The following KSR2 variants were observed in gnomAD, a reference collection of about 807,000 sequenced individuals.
KSR2 encodes kinase suppressor of ras 2.
KSR2 carries 25 observed loss-of-function variants against 107.8 expected under a neutral mutation model. That is an observed-to-expected ratio of 0.23 (90% CI 0.17 to 0.32). KSR2 has a LOEUF of 0.32. KSR2 is among the 10% of genes least tolerant of loss of function. The pLI is 1.00. For synonymous variants in KSR2, 480 were observed against 507.0 expected, an observed-to-expected ratio of 0.95 and a Z score of 0.71; for missense variants, 887 against 1,268.9, an observed-to-expected ratio of 0.70 and a Z score of 4.57.
At chr12:117,711,923 C>G (rs1217110741) in intron 4 of KSR2, among the ~76,000 whole-genome samples, 1 of 152,224 alleles carries the variant, frequency 6.6e-6, no homozygotes, top group East Asian at 1.9e-4. Context: ...CTGAGCCATG[C>G]CCTTTTCTCA....
chr12:117,514,406 A>G lies in KSR2; in HGVS notation c.2219+10446T>C, dbSNP rs550820057. On this transcript the variant is annotated intron_variant, in intron 14 of 19. Transcript: ENST00000339824. ...AATGTCCCAAAATAGTCTTTATAAAATGCAAACCAGACTGTGTCCCTCCTC... is the reference window on the plus strand; with the variant it reads ...AATGTCCCAAAATAGTCTTTATAAAGTGCAAACCAGACTGTGTCCCTCCTC... Among the ~76,000 whole-genome samples, 18 of 152,284 alleles carry G rather than the reference A, an allele frequency of 1.2e-4. No homozygotes were observed. The South Asian group carries it at 1.9e-3, about 16-fold the overall frequency.
At chr12:117,610,226 A>AAT (rs1389116561) in intron 5 of KSR2, among the ~76,000 whole-genome samples, 1 of 152,186 alleles carries the variant, frequency 6.6e-6, no homozygotes, top group African/African-American at 2.4e-5. Context: ...TAGCCTTGGA[A>AAT]ATAAGCACAC....
At chr12:117,733,115 G>A (rs561666540) in intron 4 of KSR2, among the ~76,000 whole-genome samples, 29 of 151,800 alleles carry the variant, frequency 1.9e-4, no homozygotes, top group Non-Finnish European at 3.7e-4. Flanking sequence ...AGGCCACAAC[G>A]CGCCATGGCT....
chr12:117,528,877 C>T (rs1472237908), intron 12 of KSR2, among the ~76,000 whole-genome samples: 2 of 152,342 alleles, frequency 1.3e-5, no homozygotes, highest in East Asian at 3.9e-4. Flanking sequence ...AGATCGCAAG[C>T]AGCTATTGAC....
chr12:117,477,188 C>T (rs373281272), intron 16 of KSR2, among the ~76,000 whole-genome samples: 1 of 152,196 alleles, frequency 6.6e-6, no homozygotes, highest in Non-Finnish European at 1.5e-5. Flanking sequence ...CAACCTCCAT[C>T]CTCAAGGCTT....
At chr12:117,905,210 C>T (rs1894801790) in intron 1 of KSR2, among the ~76,000 whole-genome samples, 1 of 152,000 alleles carries the variant, frequency 6.6e-6, no homozygotes, top group South Asian at 2.1e-4. Flanking sequence ...CAAAACAAAA[C>T]AAAATATAAT....
chr12:117,890,954 C>T (rs1894323276), intron 1 of KSR2: 1 of 152,184 alleles, frequency 6.6e-6, no homozygotes, highest in African/African-American at 2.4e-5. Flanking sequence ...CACCTTGCTA[C>T]ATGGTTCATC....
At chr12:117,825,668 T>C (rs145704986) in intron 3 of KSR2, among the ~76,000 whole-genome samples, 33 of 152,170 alleles carry the variant, frequency 2.2e-4, no homozygotes, top group East Asian at 3.9e-4. Flanking sequence ...CGCTGAATGG[T>C]TTATTGTCTG....
At chr12:117,656,981 G>GATATATATACATAT (rs1884196870) in intron 5 of KSR2, among the ~76,000 whole-genome samples, 1 of 98,210 alleles carries the variant, frequency 1.0e-5, no homozygotes, top group African/African-American at 4.3e-5. Context: ...TATATAATAG[G>GATATATATACATAT]ATATATATAT....
At chr12:117,643,008 T>G (rs10850876) in intron 5 of KSR2, among the ~76,000 whole-genome samples, 1 of 152,158 alleles carries the variant, frequency 6.6e-6, no homozygotes, top group Non-Finnish European at 1.5e-5. Flanking sequence ...GAAGAGAGGT[T>G]TTATTGCTAA....
intron 1 of KSR2, among the ~76,000 whole-genome samples, chr12:117,871,859 G>C (rs1425990322): frequency 1.3e-5 from 2 of 151,902 alleles, no homozygotes; most frequent in Non-Finnish European, 2.9e-5. Context: ...GTCTTGGTAT[G>C]TTGCCCAGGC....
At position 117,842,719 on chromosome 12, in the gene KSR2, G is replaced by C. The variant is rs529555871; in HGVS notation, c.472+12709C>G. Among the ~76,000 whole-genome samples, 16 of 152,262 alleles carry C rather than the reference G, an allele frequency of 1.1e-4. No homozygotes were observed. Among genetic ancestry groups the C allele is most frequent in the Admixed American group, 7.2e-4 (11 of 15,292 alleles). On this transcript the variant is annotated intron_variant, in intron 3 of 19. Coordinates refer to ENST00000339824, the MANE Select transcript of KSR2 (RefSeq NM_173598.6). This position sits in a 1 kb window ranked among gnomAD's most constrained non-coding sequence, Gnocchi z 4.2. ...AGTCGGGTTCTCTTTGTTCTCATTGGGGGGGTTCCACAAAAGCCAGATGCT... is the reference window on the plus strand; with the variant it reads ...AGTCGGGTTCTCTTTGTTCTCATTGCGGGGGTTCCACAAAAGCCAGATGCT...
chr12:117,849,102 G>A (rs1892823316), intron 3 of KSR2, among the ~76,000 whole-genome samples: 1 of 152,102 alleles, frequency 6.6e-6, no homozygotes, highest in East Asian at 1.9e-4. Context: ...GAAGATGATT[G>A]AGGACTAAGA....
intron 1 of KSR2, among the ~76,000 whole-genome samples, chr12:117,874,140 G>T (rs1001148986): frequency 6.6e-6 from 1 of 152,184 alleles, no homozygotes; most frequent in Admixed American, 6.5e-5. Flanking sequence ...TGAATTTCAG[G>T]TATTCATCTT....
chr12:117,832,414 G>C (rs1446521875), intron 3 of KSR2, among the ~76,000 whole-genome samples: 4 of 152,214 alleles, frequency 2.6e-5, no homozygotes, highest in Admixed American at 2.6e-4. Context: ...AATGGCTACA[G>C]ATAAAGCTAC....
chr12:117,945,964 C>T (rs1009492454), intron 1 of KSR2, among the ~76,000 whole-genome samples: 2 of 151,964 alleles, frequency 1.3e-5, no homozygotes, highest in African/African-American at 2.4e-5. Context: ...AAACAAAAGA[C>T]TTCAAAAGAA....
At chr12:117,723,388 T>G (rs938588443) in intron 4 of KSR2, among the ~76,000 whole-genome samples, 2 of 152,178 alleles carry the variant, frequency 1.3e-5, no homozygotes, top group Admixed American at 6.5e-5. Flanking sequence ...TATACCTGTA[T>G]AAGTCACTGA....
At chr12:117,755,713 T>A (rs1888767171) in intron 4 of KSR2, among the ~76,000 whole-genome samples, 1 of 152,222 alleles carries the variant, frequency 6.6e-6, no homozygotes, top group Non-Finnish European at 1.5e-5. Flanking sequence ...TTAAATCATA[T>A]GCTAAAAATG....
chr12:117,484,975 T>C (rs575602453), intron 15 of KSR2, among the ~76,000 whole-genome samples: 3 of 152,322 alleles, frequency 2.0e-5, no homozygotes, highest in South Asian at 2.1e-4. Flanking sequence ...TGTTCACAAC[T>C]GCTCATTAAG....
Sources: gnomAD v4.1 joint callset for allele counts (sites outside exome capture counted in the v4.1 genomes callset) on GRCh38, gnomAD v4.1.1 for gene constraint, Gnocchi (gnomAD v3.1) non-coding constraint, MANE v1.5 for transcripts, NCBI Gene and HGNC (gene_info 2026-07-23, HGNC 2026-07-21) for gene names.